MEI1: variants seen among roughly 807,000 people sequenced by gnomAD.
MEI1 encodes meiosis inhibitor protein 1.
MEI1 carries 103 observed loss-of-function variants against 146.2 expected under a neutral mutation model. The ratio of observed to expected loss-of-function variants is 0.70; its 90% CI spans 0.60 to 0.83. The LOEUF is 0.83. Ranked by LOEUF, MEI1 falls within the 40% of genes least tolerant of loss-of-function variation. The probability of loss-of-function intolerance (pLI) is 0.00; values close to 1 mark genes in which losing one functional copy is unlikely to be tolerated. For synonymous variants in MEI1, 652 were observed against 628.2 expected (o/e 1.04, Z -0.57); for missense variants, 1,529 against 1,533.0 (o/e 1.00, Z 0.04).
intron 11 of MEI1, among the ~76,000 whole-genome samples, chr22:41,735,550 A>G (rs991688309): frequency 2.6e-5 from 4 of 152,098 alleles, no homozygotes; most frequent in African/African-American, 9.6e-5. Context: ...TATTTTTTTT[A>G]TAGATTTTAA....
chr22:41,771,513 G>A (rs2075180490), intron 20 of MEI1, among the ~76,000 whole-genome samples: 1 of 152,084 alleles, frequency 6.6e-6, no homozygotes, highest in African/African-American at 2.4e-5. Context: ...TGGGCTCACT[G>A]CAACCTCCAC....
rs532542807 is a variant in MEI1, at chr22:41,771,650, G to A, written c.2544+689G>A. 2.6e-5 allele frequency among the ~76,000 whole-genome samples: 4 copies of A among 152,070 alleles called. No individual in the cohort carries two copies. The South Asian group carries it at 8.3e-4, about 32-fold the overall frequency. On this transcript the variant is annotated intron_variant, in intron 20 of 30. Coordinates refer to ENST00000401548, the MANE Select transcript of MEI1 (RefSeq NM_152513.4). Reference sequence around the variant, plus strand: ...GATGGGGTTTCACCAGGTTGCCCAGGCTGTCAATACTTTTTGGTGAAGTAC... The same window carrying A: ...GATGGGGTTTCACCAGGTTGCCCAGACTGTCAATACTTTTTGGTGAAGTAC...
chr22:41,777,109 G>A (rs1052994871), intron 21 of MEI1, among the ~76,000 whole-genome samples: 10 of 144,366 alleles, frequency 6.9e-5, no homozygotes, highest in Admixed American at 2.1e-4. Flanking sequence ...GAGCCACTGC[G>A]CCCAGCTTAG....
chr22:41,779,874 C>G lies in MEI1; in HGVS notation c.2815+1062C>G, dbSNP rs371469857. 1.1e-4 allele frequency among the ~76,000 whole-genome samples: 17 copies of G among 152,266 alleles called. No individual in the cohort carries two copies. In the East Asian group the frequency reaches 1.5e-3, roughly 14 times the overall value. Reference sequence around the variant, plus strand: ...GATGCTGCCATCACTTCACAGGCAGCACCTGCAGGAAGATTTGCTGAGGGA... The same window carrying G: ...GATGCTGCCATCACTTCACAGGCAGGACCTGCAGGAAGATTTGCTGAGGGA... On this transcript the variant is annotated intron_variant, in intron 22 of 30. Coordinates refer to ENST00000401548, the MANE Select transcript of MEI1 (RefSeq NM_152513.4).
At chr22:41,755,703 C>G (rs2074045645) in intron 17 of MEI1, among the ~76,000 whole-genome samples, 1 of 152,216 alleles carries the variant, frequency 6.6e-6, no homozygotes, top group South Asian at 2.1e-4. Flanking sequence ...AACATTCAGA[C>G]TGCTTTCTTT....
chr22:41,723,126 A>G (rs923693842), intron 6 of MEI1, among the ~76,000 whole-genome samples: 1 of 152,020 alleles, frequency 6.6e-6, no homozygotes, highest in Non-Finnish European at 1.5e-5. Flanking sequence ...GATCCCCCAC[A>G]CTGGGTTAAA....
In MEI1 at chr22:41,784,738, G is replaced by C. The variant is rs375541118; in HGVS notation, c.3300G>C (p.Ser1100=). 3.7e-6 allele frequency: 6 copies of C among 1,612,370 alleles called. No homozygotes were observed. The highest frequency in any genetic ancestry group is 1.3e-5 in the African/African-American group (1 of 74,958). The change falls in exon 26 of 31, where the codon TCG becomes TCC. Residue 1100 remains serine (S), a synonymous_variant. Coordinates refer to ENST00000401548, the MANE Select transcript of MEI1 (RefSeq NM_152513.4). ...CTGTCCTAGCTCCACTGCGAATGTC[G>C]CAAGTCCGGTCCCTGGTCATTGGGC... The part of the protein sequence containing the change: ...KDTVLAPLRM[S]QVRSLVIGLQ...
intron 3 of MEI1, chr22:41,709,386 A>C (rs2069357452): frequency 1.4e-6 from 1 of 719,146 alleles, no homozygotes; most frequent in East Asian, 2.7e-5. Context: ...CTGGCTTTGG[A>C]GGAGCAGATT....
chr22:41,782,433 A>G (rs961286281), intron 24 of MEI1, among the ~76,000 whole-genome samples: 1 of 152,166 alleles, frequency 6.6e-6, no homozygotes, highest in African/African-American at 2.4e-5. Context: ...GATGCAGGGA[A>G]GAGGAGAGCA....
chr22:41,782,001 G>A (rs939814641), intron 24 of MEI1, among the ~76,000 whole-genome samples, 156 bp downstream of exon 24: 3 of 152,130 alleles, frequency 2.0e-5, no homozygotes, highest in Admixed American at 2.0e-4. Context: ...CCTACAAAAT[G>A]GGGAAAACAT....
chr22:41,754,654 A>C (rs1210185162), intron 17 of MEI1, among the ~76,000 whole-genome samples: 1 of 152,014 alleles, frequency 6.6e-6, no homozygotes, highest in Non-Finnish European at 1.5e-5. Context: ...TGCTGGTTTC[A>C]AACTCCTGAC....
chr22:41,791,985 G>C (rs2076198341), intron 26 of MEI1, among the ~76,000 whole-genome samples: 1 of 152,214 alleles, frequency 6.6e-6, no homozygotes, highest in Non-Finnish European at 1.5e-5. Context: ...GCTGAGTGGA[G>C]AGATGGGGGA....
chr22:41,784,600 G>A lies in MEI1; in HGVS notation c.3170-8G>A. 6.2e-7 allele frequency: 1 copy of A among 1,610,780 alleles called. No homozygotes were observed. Among genetic ancestry groups the A allele is most frequent in the Non-Finnish European group, 8.5e-7 (1 of 1,179,468 alleles). On this transcript the variant is annotated splice_region_variant and splice_polypyrimidine_tract_variant and intron_variant, in intron 25 of 30. Transcript: ENST00000401548. The stretch of plus-strand genomic sequence containing the variant: ...AGGAATTGGGTGTAAGGAATCTCCT[G>A]CTTCCAGCTGCCATCTTATGCTTCC...
At chr22:41,774,144 C>T (rs371236454) in intron 20 of MEI1, 1 of 152,152 alleles carries the variant, frequency 6.6e-6, no homozygotes, top group Non-Finnish European at 1.5e-5. Flanking sequence ...TTTGTTTCCT[C>T]TTTGGCCAAG....
intron 13 of MEI1, 22 bp downstream of exon 13, chr22:41,745,086 G>T: frequency 6.8e-7 from 1 of 1,480,308 alleles, no homozygotes; most frequent in South Asian, 1.3e-5. Flanking sequence ...TCTGAGGTAT[G>T]AAGTAATAGC....
chr22:41,709,441 T>TG (rs2069361536), intron 3 of MEI1: 1 of 683,100 alleles, frequency 1.5e-6, no homozygotes, highest in Non-Finnish European at 2.7e-6. Flanking sequence ...GTCCTTCACC[T>TG]TGGCTTTATC....
intron 3 of MEI1, chr22:41,709,543 C>T: frequency 1.8e-6 from 1 of 550,218 alleles, no homozygotes; most frequent in East Asian, 4.6e-5. Context: ...TGCAGCGGCA[C>T]ACGGGCTTTG....
rs1319444236 is a variant in MEI1 at position 41,758,412 on chromosome 22, A to G, written c.1999A>G (p.Ser667Gly). The change falls in exon 18 of 31, where the codon AGC (serine) becomes GGC (glycine). Residue 667 changes from serine to glycine, a missense_variant. Coordinates refer to ENST00000401548, the MANE Select transcript of MEI1 (RefSeq NM_152513.4). Reference sequence around the variant, plus strand: ...CCTGCAGCATGGGCTGCCCCAGATAAGCAGCAGGAGCCCTGAAAGCCTTGC... The same window carrying G: ...CCTGCAGCATGGGCTGCCCCAGATAGGCAGCAGGAGCCCTGAAAGCCTTGC... ...ELLQHGLPQI[S>G]SRSPESLAFL... is the part of the protein sequence containing the mutation. 1.2e-6 allele frequency: 2 copies of G among 1,613,910 alleles called. No homozygotes were observed. The highest frequency in any genetic ancestry group is 2.2e-5 in the South Asian group (2 of 91,078).
At chr22:41,743,045 T>G (rs778603061) in intron 11 of MEI1, 35 bp from the exon 12 acceptor site, 15 of 1,526,200 alleles carry the variant, frequency 9.8e-6, no homozygotes, top group Admixed American at 1.7e-5. Flanking sequence ...TACCGTTGCC[T>G]TACCGTGAAC....
Sources: allele counts gnomAD v4.1 joint callset (sites outside exome capture counted in the v4.1 genomes callset), GRCh38; gene constraint gnomAD v4.1.1; transcripts MANE v1.5; gene names NCBI Gene and HGNC (gene_info 2026-07-23, HGNC 2026-07-21).